DLG1: variants seen among roughly 807,000 people sequenced by gnomAD.
DLG1 encodes disks large homolog 1.
Under a neutral mutation model 123.4 loss-of-function variants are expected in DLG1, and 42 were observed. The observed-to-expected ratio is 0.34, with a 90% confidence interval of 0.27 to 0.44. DLG1 has a LOEUF of 0.44. Among genes scored for constraint, DLG1 ranks in the 20% least tolerant of loss-of-function variants. DLG1 has a pLI of 1.00. For missense variants in DLG1, 942 were observed against 1,082.6 expected, an observed-to-expected ratio of 0.87 and a Z score of 1.82; for synonymous variants, 317 against 356.2, an observed-to-expected ratio of 0.89 and a Z score of 1.24.
intron 5 of DLG1, chr3:197,183,497 A>C: frequency 7.7e-7 from 1 of 1,301,192 alleles, no homozygotes; most frequent in Non-Finnish European, 1.0e-6. Flanking sequence ...TTAAATAAAA[A>C]ATCTATATTA....
rs1714196364 is a variant in DLG1, at chr3:197,183,962, G to C, written c.483+10463C>G. On this transcript the variant is annotated intron_variant, in intron 5 of 24. Transcript: ENST00000667157. ...TTGAGAAATGATGCTCATTTTCTCA[G>C]TGATTTCTTCCTATGAAAGAGCTCG... 4.2e-6 allele frequency: 6 copies of C among 1,427,188 alleles called. No homozygotes were observed. In the African/African-American group the frequency reaches 8.6e-5, roughly 21 times the overall value. 88.4% of individuals were successfully genotyped at this position (1,427,188 alleles called of 1,614,324 possible). A position where few individuals can be genotyped will look rare whatever the true frequency, so the allele number is the denominator to read the frequency against.
intron 23 of DLG1, among the ~76,000 whole-genome samples, chr3:197,054,986 T>C (rs1392556254): frequency 6.6e-6 from 1 of 152,142 alleles, no homozygotes; most frequent in Non-Finnish European, 1.5e-5. Context: ...CAGCTAATTT[T>C]GTATTTTTAG....
At position 197,113,998 on chromosome 3, in the gene DLG1, TA is replaced by T. The variant is rs1245797340; in HGVS notation, c.1443+1928del. On this transcript the variant is annotated intron_variant, in intron 13 of 24. Coordinates refer to ENST00000667157, the MANE Select transcript of DLG1 (RefSeq NM_001366207.1). ...GGCAATGCACTGAAGCCCTGTCTCTTAAAAAATAAAAGAAAGAAAAAAGAAA... is the reference window on the plus strand; with the variant it reads ...GGCAATGCACTGAAGCCCTGTCTCTTAAAAATAAAAGAAAGAAAAAAGAAA... Among the ~76,000 whole-genome samples the T allele has an allele frequency of 5.3e-5, 8 of 152,066 alleles. No individual in the cohort carries two copies. The East Asian group carries it at 1.5e-3, about 29-fold the overall frequency.
rs113915661 is a variant in DLG1 at position 197,185,519 on chromosome 3, C to T, written c.483+8906G>A. Among the ~76,000 whole-genome samples, 1,242 of 152,082 alleles carry T rather than the reference C, an allele frequency of 8.2e-3. 14 individuals carry two copies. The highest frequency in any genetic ancestry group is 0.027 in the African/African-American group (1,128 of 41,460). On this transcript the variant is annotated intron_variant, in intron 5 of 24. Coordinates refer to ENST00000667157, the MANE Select transcript of DLG1 (RefSeq NM_001366207.1). ...GGCCCCAGAGTGATCCTATCTAATT[C>T]GGAGTAGAGAATGTAAGAAAATACT...
At chr3:197,134,308 T>A (rs1392949245) in intron 10 of DLG1, among the ~76,000 whole-genome samples, 1 of 152,106 alleles carries the variant, frequency 6.6e-6, no homozygotes, top group Non-Finnish European at 1.5e-5. Context: ...CTTTTATATA[T>A]TGCTGATGTA....
chr3:197,231,956 G>C (rs909953856), intron 4 of DLG1, among the ~76,000 whole-genome samples: 1 of 92,752 alleles, frequency 1.1e-5, no homozygotes, highest in African/African-American at 4.2e-5. Flanking sequence ...TTTCAATAAT[G>C]GGGCAAACCT....
intron 13 of DLG1, among the ~76,000 whole-genome samples, chr3:197,115,669 A>C (rs886330397): frequency 1.3e-5 from 2 of 152,196 alleles, no homozygotes; most frequent in African/African-American, 4.8e-5. Flanking sequence ...TAATAGACAC[A>C]TAGCAAACTT....
intron 6 of DLG1, among the ~76,000 whole-genome samples, chr3:197,145,252 T>A (rs909861840): frequency 6.6e-6 from 1 of 152,218 alleles, no homozygotes; most frequent in African/African-American, 2.4e-5. Flanking sequence ...ATTTGCATCA[T>A]CTTGTTTCTT....
intron 4 of DLG1, among the ~76,000 whole-genome samples, chr3:197,263,697 G>A (rs191641144): frequency 9.9e-5 from 15 of 152,234 alleles, no homozygotes; most frequent in Admixed American, 9.8e-4. Flanking sequence ...TGAGGTGGGA[G>A]AATCACTTGA....
intron 5 of DLG1, among the ~76,000 whole-genome samples, chr3:197,182,320 C>T (rs921993816): frequency 7.2e-5 from 11 of 152,066 alleles, no homozygotes; most frequent in African/African-American, 1.9e-4. Context: ...TTAAATCAAT[C>T]GTTGCCCATT....
chr3:197,067,456 C>A (rs536938726), intron 19 of DLG1, among the ~76,000 whole-genome samples: 1 of 150,792 alleles, frequency 6.6e-6, no homozygotes, highest in African/African-American at 2.4e-5. Flanking sequence ...ATTAAAGGTT[C>A]GGAGCTTAGG....
intron 23 of DLG1, among the ~76,000 whole-genome samples, chr3:197,057,361 T>G (rs1732465817): frequency 2.0e-5 from 3 of 152,170 alleles, no homozygotes; most frequent in Admixed American, 2.0e-4. Context: ...GGACTACAGG[T>G]GTGAGCCGCC....
At chr3:197,263,255 A>C (rs773120405) in intron 4 of DLG1, among the ~76,000 whole-genome samples, 1 of 152,120 alleles carries the variant, frequency 6.6e-6, no homozygotes, top group African/African-American at 2.4e-5. Flanking sequence ...GGCATCCCTA[A>C]GTTTGGCAGA....
intron 4 of DLG1, among the ~76,000 whole-genome samples, chr3:197,227,752 A>C (rs1046410615): frequency 3.9e-5 from 6 of 152,160 alleles, no homozygotes; most frequent in Non-Finnish European, 8.8e-5. Flanking sequence ...ATTCCTACTT[A>C]TGTAATTGTA....
chr3:197,207,179 G>GTT (rs1326916763), intron 4 of DLG1, among the ~76,000 whole-genome samples: 1 of 152,168 alleles, frequency 6.6e-6, no homozygotes, highest in Non-Finnish European at 1.5e-5. Flanking sequence ...TTTACGCAAA[G>GTT]TTTGTCCTTC....
At chr3:197,110,538 C>G (rs1477416697) in intron 13 of DLG1, among the ~76,000 whole-genome samples, 1 of 152,084 alleles carries the variant, frequency 6.6e-6, no homozygotes, top group Non-Finnish European at 1.5e-5. Context: ...CGTTTTTCTC[C>G]TGTATATGGG....
At position 197,282,798 on chromosome 3, in the gene DLG1, T is replaced by C. The variant is rs1770002105; in HGVS notation, c.199A>G (p.Ile67Val). The C allele has an allele frequency of 4.4e-6, 7 of 1,605,052 alleles. No individual in the cohort carries two copies. The highest frequency in any genetic ancestry group is 1.1e-5 in the South Asian group (1 of 89,426). ...EVTLLDNPKC[I>V]DRSKPSEPIQ... ...GGTTCAGACGGCTTTGAACGATCTATACATTTTGGATTATCCAGTAAGGTC... is the reference window on the plus strand; with the variant it reads ...GGTTCAGACGGCTTTGAACGATCTACACATTTTGGATTATCCAGTAAGGTC... The change falls in exon 4 of 25, where the codon ATA becomes GTA. Residue 67 changes from isoleucine to valine, a missense_variant. By Grantham distance (29) the Ile-to-Val change is conservative. Transcript: ENST00000667157.
intron 21 of DLG1, 124 bp downstream of exon 21, chr3:197,065,584 G>C (rs1421745482): frequency 1.0e-6 from 1 of 988,502 alleles, no homozygotes; most frequent in African/African-American, 1.6e-5. Context: ...ATAATATGGA[G>C]GATGGAAGAG....
chr3:197,260,389 AC>A (rs1431072290), intron 4 of DLG1: 2 of 335,290 alleles, frequency 6.0e-6, no homozygotes, highest in African/African-American at 2.2e-5. Flanking sequence ...GTGAGATAAA[AC>A]CATAAATGAA....
Sources: gnomAD v4.1 joint callset for allele counts (sites outside exome capture counted in the v4.1 genomes callset) on GRCh38, gnomAD v4.1.1 for gene constraint, MANE v1.5 for transcripts, NCBI Gene and HGNC (gene_info 2026-07-23, HGNC 2026-07-21) for gene names.